AFG2A: variants seen among roughly 807,000 people sequenced by gnomAD.
The protein encoded by AFG2A is ATPase family gene 2 protein homolog A.
At chr4:122,967,110 T>G in the AFG2A span, among the ~76,000 whole-genome samples, 379 of 152,308 alleles carry the variant, frequency 2.5e-3, no homozygotes, top group Middle Eastern at 0.017. Flanking sequence ...TTAAAAAATA[T>G]TTTCAAAACC....
chr4:123,120,851 A>G, the AFG2A span, among the ~76,000 whole-genome samples: 2,311 of 152,270 alleles, frequency 0.015, 21 homozygotes, highest in African/African-American at 0.025. Context: ...TGTATTACCT[A>G]TACTATACAT....
the AFG2A span, among the ~76,000 whole-genome samples, chr4:123,228,253 C>G: frequency 1.9e-4 from 29 of 152,100 alleles, no homozygotes; most frequent in East Asian, 5.2e-3. Context: ...TGAATTTGAT[C>G]CTGTCATTAT....
chr4:123,151,928 C>T, the AFG2A span, among the ~76,000 whole-genome samples: 2 of 152,096 alleles, frequency 1.3e-5, no homozygotes, highest in Non-Finnish European at 1.5e-5. Context: ...ACATATACAC[C>T]ATGAAATACT....
the AFG2A span, among the ~76,000 whole-genome samples, chr4:123,093,568 GT>G: frequency 6.6e-6 from 1 of 152,152 alleles, no homozygotes; most frequent in Non-Finnish European, 1.5e-5. Flanking sequence ...GTTCAGCAGA[GT>G]TTTTCACCAG....
chr4:123,257,608 A>T, the AFG2A span, among the ~76,000 whole-genome samples: 1 of 152,180 alleles, frequency 6.6e-6, no homozygotes, highest in Non-Finnish European at 1.5e-5. Context: ...TGAAACAGTG[A>T]TCTTTATGAC....
At chr4:123,208,640 C>T in the AFG2A span, among the ~76,000 whole-genome samples, 3 of 152,114 alleles carry the variant, frequency 2.0e-5, no homozygotes, top group Non-Finnish European at 4.4e-5. Flanking sequence ...CCAAAGCTAA[C>T]CATCAATGTC....
chr4:123,085,974 T>A, the AFG2A span, among the ~76,000 whole-genome samples: 4 of 152,090 alleles, frequency 2.6e-5, no homozygotes, highest in East Asian at 1.9e-4. Flanking sequence ...ATAAAAAAAA[T>A]TCCTAAGTTA....
At chr4:122,930,757 A>G in the AFG2A span, among the ~76,000 whole-genome samples, 6 of 152,318 alleles carry the variant, frequency 3.9e-5, no homozygotes, top group South Asian at 1.2e-3. Context: ...AAATGGTGCT[A>G]CAGGTAGCAG....
chr4:122,981,463 C>CTTTTT, the AFG2A span, among the ~76,000 whole-genome samples: 1 of 118,992 alleles, frequency 8.4e-6, no homozygotes, highest in Non-Finnish European at 1.8e-5. Flanking sequence ...ATGCCTACAG[C>CTTTTT]TTTTTTTTTT....
chr4:122,928,416 G>T, the AFG2A span, among the ~76,000 whole-genome samples: 2 of 152,086 alleles, frequency 1.3e-5, no homozygotes, highest in Admixed American at 1.3e-4. Flanking sequence ...TCTCTGATTT[G>T]CTGGGGATCC....
At chr4:123,133,874 T>C in the AFG2A span, among the ~76,000 whole-genome samples, 1 of 152,366 alleles carries the variant, frequency 6.6e-6, no homozygotes, top group African/African-American at 2.4e-5. Flanking sequence ...TTTGCATTTC[T>C]CATTATTAGA....
chr4:122,948,871 T>C, the AFG2A span, among the ~76,000 whole-genome samples: 1 of 152,226 alleles, frequency 6.6e-6, no homozygotes, highest in Non-Finnish European at 1.5e-5. Flanking sequence ...CACATTCTTA[T>C]GCCTTTCTGT....
the AFG2A span, among the ~76,000 whole-genome samples, chr4:123,119,878 C>A: frequency 6.6e-6 from 1 of 152,144 alleles, no homozygotes; most frequent in Non-Finnish European, 1.5e-5. Flanking sequence ...ACTTAACAAT[C>A]ATGGCGGAAG....
the AFG2A span, among the ~76,000 whole-genome samples, chr4:123,186,021 T>A: frequency 0.034 from 5,228 of 152,298 alleles, 308 homozygotes; most frequent in African/African-American, 0.12. Context: ...TATATCATGG[T>A]GTCACATAGG....
the AFG2A span, among the ~76,000 whole-genome samples, chr4:123,229,129 T>C: frequency 6.6e-6 from 1 of 151,984 alleles, no homozygotes. Flanking sequence ...TTCAATAATT[T>C]TAAGTATTTA....
chr4:123,015,466 A>G, the AFG2A span, among the ~76,000 whole-genome samples: 5 of 152,014 alleles, frequency 3.3e-5, no homozygotes, highest in Admixed American at 6.5e-5. Flanking sequence ...CCCTGAGTGG[A>G]CACAGCACAT....
At chr4:122,943,862 C>G in the AFG2A span, among the ~76,000 whole-genome samples, 3 of 151,982 alleles carry the variant, frequency 2.0e-5, no homozygotes, top group Non-Finnish European at 2.9e-5. Context: ...ATTTGCTTGT[C>G]TGTAAAGTAT....
the AFG2A span, among the ~76,000 whole-genome samples, chr4:123,247,843 G>A: frequency 6.6e-6 from 1 of 152,084 alleles, no homozygotes; most frequent in Non-Finnish European, 1.5e-5. Context: ...TAAATGATTG[G>A]CTTTTAGTAT....
At chr4:123,240,785 C>T in the AFG2A span, among the ~76,000 whole-genome samples, 54 of 152,134 alleles carry the variant, frequency 3.5e-4, no homozygotes, top group African/African-American at 1.2e-3. Context: ...AAGATCAGAG[C>T]AGAACTGAAG....
Sources: allele counts gnomAD v4.1 joint callset (sites outside exome capture counted in the v4.1 genomes callset), GRCh38; gene constraint gnomAD v4.1.1; transcripts MANE v1.5; gene names NCBI Gene and HGNC (gene_info 2026-07-23, HGNC 2026-07-21).